The following ANO1 variants were observed in gnomAD, a reference collection of about 807,000 sequenced individuals.
The protein encoded by ANO1 is anoctamin 1.
In ANO1, 59 loss-of-function variants were observed where a neutral mutation model predicts 124.0. The ratio of observed to expected loss-of-function variants is 0.48; its 90% CI spans 0.39 to 0.59. ANO1 has a LOEUF of 0.59. Among genes scored for constraint, ANO1 ranks in the 20% least tolerant of loss-of-function variants. The pLI, the probability that ANO1 is intolerant of heterozygous loss-of-function variation, is 0.00. For missense variants in ANO1, 1,059 were observed against 1,328.0 expected, an observed-to-expected ratio of 0.80 and a Z score of 3.15; for synonymous variants, 529 against 532.0, an observed-to-expected ratio of 0.99 and a Z score of 0.08.
chr11:70,056,259 C>A (rs1857433241), intron 1 of ANO1: 2 of 152,006 alleles, frequency 1.3e-5, no homozygotes, highest in Non-Finnish European at 2.9e-5. Flanking sequence ...ATTTTGTTTT[C>A]ATTTTTGAAA....
rs969684692 is a variant in ANO1, at chr11:70,159,447, G to A, written c.1579-1714G>A. ...GAGGATATTGGATAGGGAAGTAGCC[G>A]GCTCTTTTCCCAGCCTTGACGTACT... On this transcript the variant is annotated intron_variant, in intron 16 of 25. Coordinates refer to ENST00000355303, the MANE Select transcript of ANO1 (RefSeq NM_018043.7). Among the ~76,000 whole-genome samples the A allele has an allele frequency of 2.0e-5, 3 of 152,202 alleles. No individual in the cohort carries two copies. The East Asian group carries it at 5.8e-4, about 29-fold the overall frequency.
At chr11:70,074,669 G>A (rs1216769551), upstream of ANO1, among the ~76,000 whole-genome samples, 3 of 152,230 alleles carry the variant, frequency 2.0e-5, no homozygotes, top group Non-Finnish European at 4.4e-5. Flanking sequence ...CTCAACTGGG[G>A]CTGGTTTTGT....
At chr11:70,066,284 C>T (rs1333305581) in intron 1 of ANO1, among the ~76,000 whole-genome samples, 1 of 152,186 alleles carries the variant, frequency 6.6e-6, no homozygotes, top group Non-Finnish European at 1.5e-5. Context: ...CTCGTGGGCA[C>T]TAAGGGTCCC....
intron 1 of ANO1, among the ~76,000 whole-genome samples, chr11:70,058,292 T>G (rs960710633): frequency 6.6e-6 from 1 of 152,206 alleles, no homozygotes; most frequent in Non-Finnish European, 1.5e-5. Flanking sequence ...TTTTGGGCTC[T>G]ATCCTTGAGT....
intron 12 of ANO1, among the ~76,000 whole-genome samples, chr11:70,150,863 T>A (rs552174697): frequency 3.7e-4 from 57 of 152,262 alleles, no homozygotes; most frequent in Non-Finnish European, 6.3e-4. Context: ...TTAAAAAAAA[T>A]TTTTTTTAAC....
chr11:70,064,052 A>G (rs1445453545), intron 1 of ANO1: 2 of 152,176 alleles, frequency 1.3e-5, no homozygotes, highest in African/African-American at 4.8e-5. Flanking sequence ...GGACCGTCTC[A>G]TTGTACTGGG....
intron 1 of ANO1, among the ~76,000 whole-genome samples, chr11:70,086,752 G>A (rs899670902): frequency 1.2e-4 from 19 of 152,202 alleles, no homozygotes; most frequent in African/African-American, 4.1e-4. Context: ...CCAGCAGGAC[G>A]GACCCCAGCT....
At chr11:69,990,763 T>C (rs1414043422) in intron 1 of ANO1, among the ~76,000 whole-genome samples, 1 of 152,256 alleles carries the variant, frequency 6.6e-6, no homozygotes, top group Non-Finnish European at 1.5e-5. Flanking sequence ...TTTGTTTATC[T>C]TCTTTGGAGA....
At chr11:70,085,330 C>T (rs1359063521) in intron 1 of ANO1, 1 of 1,412,656 alleles carries the variant, frequency 7.1e-7, no homozygotes, top group East Asian at 2.6e-5. Context: ...CCCCTGAGCC[C>T]TCCCAAGCCA....
rs1555052149 is a variant in ANO1 at position 70,172,132 on chromosome 11, AAAAAG to A, written c.2350+1113_2350+1117del. Among the ~76,000 whole-genome samples, 95 of 141,658 alleles carry A rather than the reference AAAAAG, an allele frequency of 6.7e-4. No homozygotes were observed. The Middle Eastern group carries it at 0.011, about 16-fold the overall frequency. The allele number at this position is 141,658 out of a possible 152,430, so 92.9% of individuals were successfully genotyped here. On this transcript the variant is annotated intron_variant, in intron 22 of 25. Coordinates refer to ENST00000355303, the MANE Select transcript of ANO1 (RefSeq NM_018043.7). ...GAGAACCTGTCTTAAAAAAAAAAAA[AAAAAG>A]AAAAGAAAAGAAAAGAAAAAGAGTA...
Position 70,049,095 on chromosome 11 carries a change from G to T in ANO1, c.59-29447G>T, listed in dbSNP as rs12575668. Among the ~76,000 whole-genome samples the T allele has an allele frequency of 2.9e-4, 44 of 152,238 alleles. No individual in the cohort carries two copies. The East Asian group carries it at 7.0e-3, about 24-fold the overall frequency. ...TTTCTGGTGGCTTATGAGAGGAGCT[G>T]GCTGTGACATCTCCTAGGTGGAAAT... On this transcript the variant is annotated intron_variant, in intron 1 of 27. Transcript: ENST00000531349.
intron 23 of ANO1, among the ~76,000 whole-genome samples, chr11:70,181,362 C>G (rs1010857156): frequency 4.6e-5 from 7 of 152,202 alleles, no homozygotes; most frequent in African/African-American, 1.7e-4. Flanking sequence ...AAGGGCCCCT[C>G]AGAGCCCTCT....
chr11:70,164,504 A>C (rs1178638959), intron 19 of ANO1, among the ~76,000 whole-genome samples: 1 of 152,214 alleles, frequency 6.6e-6, no homozygotes, highest in Non-Finnish European at 1.5e-5. Context: ...AAAGTCATAT[A>C]ATAAAGCAGA....
intron 10 of ANO1, among the ~76,000 whole-genome samples, chr11:70,128,497 G>A (rs2046613952): frequency 6.6e-6 from 1 of 152,202 alleles, no homozygotes. Flanking sequence ...CCAGCCCAGG[G>A]GTTGGCCATG....
chr11:70,070,146 T>C (rs1857834393), intron 1 of ANO1, among the ~76,000 whole-genome samples: 1 of 152,202 alleles, frequency 6.6e-6, no homozygotes, highest in South Asian at 2.1e-4. Flanking sequence ...GGCTCAACTT[T>C]GTTGGATAGC....
intron 6 of ANO1, among the ~76,000 whole-genome samples, chr11:70,108,710 G>T (rs1209439315): frequency 6.6e-6 from 1 of 152,198 alleles, no homozygotes; most frequent in Non-Finnish European, 1.5e-5. Flanking sequence ...GGATGACCGG[G>T]GGATTCCTGG....
At position 70,140,165 on chromosome 11, in the gene ANO1, G is replaced by A. The variant is rs183359407; in HGVS notation, c.1258+8086G>A. On this transcript the variant is annotated intron_variant, in intron 11 of 25. Coordinates refer to ENST00000355303, the MANE Select transcript of ANO1 (RefSeq NM_018043.7). ...GTCTTGAGCCACACCCCAGGAGAGG[G>A]TTTTTGGATCTCACACAAGAAAGAA... Among the ~76,000 whole-genome samples, 12 of 152,318 alleles carry A rather than the reference G, an allele frequency of 7.9e-5. No individual in the cohort carries two copies. In the East Asian group the frequency reaches 2.3e-3, roughly 29 times the overall value.
the ANO1 span, among the ~76,000 whole-genome samples, chr11:69,968,221 G>T: frequency 6.6e-6 from 1 of 152,164 alleles, no homozygotes; most frequent in Non-Finnish European, 1.5e-5. Context: ...CAAAGCAGGA[G>T]GAGGAGGCCA....
At chr11:70,105,093 G>A (rs954519671) in intron 4 of ANO1, among the ~76,000 whole-genome samples, 11 of 152,104 alleles carry the variant, frequency 7.2e-5, no homozygotes, top group Non-Finnish European at 8.8e-5. Context: ...GACCTCCCTC[G>A]TCTCTGCCCT....
Sources: allele counts gnomAD v4.1 joint callset (sites outside exome capture counted in the v4.1 genomes callset), GRCh38; gene constraint gnomAD v4.1.1; transcripts MANE v1.5; gene names NCBI Gene and HGNC (gene_info 2026-07-23, HGNC 2026-07-21).